The following UBN2 variants were observed in gnomAD, a reference collection of about 807,000 sequenced individuals.
The protein encoded by UBN2 is ubinuclein-2.
Under a neutral mutation model 120.2 loss-of-function variants are expected in UBN2, and 35 were observed. That is an observed-to-expected ratio of 0.29 (90% CI 0.22 to 0.39). The LOEUF (loss-of-function observed/expected upper bound fraction) is 0.39, where lower values mean the gene tolerates loss of function less well. Ranked by LOEUF, UBN2 falls within the 10% of genes least tolerant of loss-of-function variation. The probability of loss-of-function intolerance (pLI) is 1.00; values close to 1 mark genes in which losing one functional copy is unlikely to be tolerated. For missense variants in UBN2, 1,693 were observed against 1,663.2 expected, an observed-to-expected ratio of 1.02 and a Z score of -0.31; for synonymous variants, 661 against 648.7, an observed-to-expected ratio of 1.02 and a Z score of -0.29.
In UBN2 at chr7:139,304,091, A is replaced by G. The variant is rs1260239205; in HGVS notation, c.*6255A>G. ...TTTTAACTTTCTAAGAATGAGTATG[A>G]TGTCTCATTCTTGCAAATCAGAGAT... On this transcript the variant is annotated 3_prime_UTR_variant, in exon 18 of 18. Coordinates refer to ENST00000473989, the MANE Select transcript of UBN2 (RefSeq NM_173569.4). 6.6e-6 allele frequency: 1 copy of G among 152,138 alleles called. No homozygotes were observed. Among genetic ancestry groups the G allele is most frequent in the Non-Finnish European group, 1.5e-5 (1 of 68,030 alleles). The allele number at this position is 152,138 out of a possible 1,614,324, so 9.4% of individuals were successfully genotyped here. A position where few individuals can be genotyped will look rare whatever the true frequency, so the allele number is the denominator to read the frequency against.
intron 2 of UBN2, among the ~76,000 whole-genome samples, chr7:139,246,227 T>C (rs1403898719): frequency 6.6e-6 from 1 of 152,058 alleles, no homozygotes; most frequent in African/African-American, 2.4e-5. Context: ...TAGCTGGGTG[T>C]GGTAGTGCGC....
the UBN2 span, among the ~76,000 whole-genome samples, chr7:139,327,613 C>T: frequency 1.3e-5 from 2 of 152,150 alleles, no homozygotes; most frequent in African/African-American, 4.8e-5. Context: ...GCACTCTGCC[C>T]TCGTGACCTA....
chr7:139,246,391 G>A (rs1345225788), intron 2 of UBN2, among the ~76,000 whole-genome samples: 4 of 152,110 alleles, frequency 2.6e-5, no homozygotes, highest in South Asian at 4.2e-4. Context: ...GGGAAGAGAG[G>A]CTAATTAAGA....
chr7:139,239,188 A>T (rs542354576), intron 2 of UBN2, among the ~76,000 whole-genome samples: 1 of 152,232 alleles, frequency 6.6e-6, no homozygotes, highest in East Asian at 1.9e-4. Flanking sequence ...TATACATATT[A>T]TAGAATTGTA....
rs774055993 is a variant in UBN2 at position 139,283,578 on chromosome 7, C to G, written c.2673C>G (p.Ser891=). ...LQRSSQIHTS[S]SSQTHVSSSS... ...GGTCAAGCCAGATTCACACTTCTTC[C>G]TCTTCACAGACCCATGTCTCCTCTT... The change falls in exon 15 of 18, where the codon TCC becomes TCG. Residue 891 remains serine, a synonymous_variant. Coordinates refer to ENST00000473989, the MANE Select transcript of UBN2 (RefSeq NM_173569.4). 3 of 1,614,184 alleles carry G rather than the reference C, an allele frequency of 1.9e-6. No individual in the cohort carries two copies. The highest frequency in any genetic ancestry group is 3.3e-5 in the Admixed American group (2 of 60,022).
intron 12 of UBN2, 111 bp from the exon 13 acceptor site, chr7:139,279,207 C>T: frequency 1.2e-6 from 1 of 858,198 alleles, no homozygotes; most frequent in East Asian, 2.5e-5. Flanking sequence ...CTTCAAAGAG[C>T]TTTCCAAATA....
chr7:139,241,114 A>G (rs1796307824), intron 2 of UBN2, among the ~76,000 whole-genome samples: 1 of 152,118 alleles, frequency 6.6e-6, no homozygotes, highest in African/African-American at 2.4e-5. Context: ...GAGGCCACCT[A>G]TACTCTATAC....
chr7:139,272,461 G>T, intron 9 of UBN2, 21 bp downstream of exon 9: 2 of 1,584,626 alleles, frequency 1.3e-6, no homozygotes, highest in Non-Finnish European at 1.7e-6. Context: ...CTTCTATTTG[G>T]ACTGGCTTTT....
downstream of UBN2, among the ~76,000 whole-genome samples, chr7:139,311,089 G>T (rs1798441636): frequency 6.6e-6 from 1 of 152,190 alleles, no homozygotes; most frequent in Admixed American, 6.5e-5. Flanking sequence ...TACATACAAA[G>T]CTTTGAGAAA....
At chr7:139,312,744 T>C (rs899027298), downstream of UBN2, among the ~76,000 whole-genome samples, 4 of 152,260 alleles carry the variant, frequency 2.6e-5, no homozygotes, top group Non-Finnish European at 5.9e-5. Flanking sequence ...CACAAAGATA[T>C]CCTCCAGCAT....
the UBN2 span, among the ~76,000 whole-genome samples, chr7:139,325,349 C>A: frequency 6.8e-6 from 1 of 147,932 alleles, no homozygotes; most frequent in Non-Finnish European, 1.5e-5. Context: ...CTTACTGCAA[C>A]CTCCGCCTCC....
At chr7:139,325,044 ATCTT>A in the UBN2 span, among the ~76,000 whole-genome samples, 1 of 152,152 alleles carries the variant, frequency 6.6e-6, no homozygotes, top group African/African-American at 2.4e-5. Context: ...CACAATCATA[ATCTT>A]TCTTTACTGA....
In UBN2 at chr7:139,283,213, G is replaced by A. The variant is rs1797668546; in HGVS notation, c.2308G>A (p.Val770Ile). The A allele has an allele frequency of 6.2e-7, 1 of 1,612,928 alleles. No homozygotes were observed. Among genetic ancestry groups the A allele is most frequent in the Non-Finnish European group, 8.5e-7 (1 of 1,179,890 alleles). ...LSFHSPSLDL[V>I]SEALAVINNG... ...TTTCCATTCACCTTCACTGGATCTT[G>A]TTTCTGAAGCTTTAGCGGTTATCAA... Residue 770 changes from valine to isoleucine, a missense_variant, in exon 15 of 18, where the codon GTT (valine) becomes ATT (isoleucine). Physicochemically the swap from Val to Ile is conservative, Grantham distance 29. This residue lies in a region of UBN2 where 837 missense variants were observed against 817.6 expected (regional missense o/e 1.02). Transcript: ENST00000473989.
intron 3 of UBN2, among the ~76,000 whole-genome samples, chr7:139,253,555 A>G (rs1014344026): frequency 6.6e-6 from 1 of 152,206 alleles, no homozygotes; most frequent in South Asian, 2.1e-4. Flanking sequence ...TATTACCAGG[A>G]TGGTACATTG....
rs777410951 is a variant in UBN2, at chr7:139,283,899, C to G, written c.2994C>G (p.Pro998=). 1.9e-6 allele frequency: 3 copies of G among 1,614,034 alleles called. No homozygotes were observed. Among genetic ancestry groups the G allele is most frequent in the Admixed American group, 3.3e-5 (2 of 60,002 alleles). The part of the protein sequence containing the change: ...SPGNGSQGSH[P]LVSRTVPSTT... ...GAAATGGTTCTCAAGGGTCCCACCCCCTGGTTTCTAGGACAGTACCTAGCA... is the reference window on the plus strand; with the variant it reads ...GAAATGGTTCTCAAGGGTCCCACCCGCTGGTTTCTAGGACAGTACCTAGCA... Residue 998 remains proline (P), a synonymous_variant, in exon 15 of 18, where the codon CCC becomes CCG. Transcript: ENST00000473989.
the UBN2 span, among the ~76,000 whole-genome samples, chr7:139,327,467 C>T: frequency 7.9e-5 from 12 of 152,262 alleles, no homozygotes; most frequent in Middle Eastern, 3.4e-3. Context: ...AGTCCAATAT[C>T]AAGGTGCTGG....
intron 4 of UBN2, among the ~76,000 whole-genome samples, chr7:139,259,052 G>C (rs897628555): frequency 6.6e-6 from 1 of 152,150 alleles, no homozygotes; most frequent in Non-Finnish European, 1.5e-5. Flanking sequence ...TCACCAGAAT[G>C]CTTGTTTAAA....
intron 1 of UBN2, among the ~76,000 whole-genome samples, chr7:139,232,564 G>A (rs1796057161): frequency 6.6e-6 from 1 of 152,170 alleles, no homozygotes; most frequent in Non-Finnish European, 1.5e-5. Flanking sequence ...AAGTGGGTTA[G>A]TTAATCTGGT....
chr7:139,241,914 C>T (rs1796329157), intron 2 of UBN2, among the ~76,000 whole-genome samples: 1 of 152,090 alleles, frequency 6.6e-6, no homozygotes, highest in Admixed American at 6.6e-5. Flanking sequence ...AGGAGAATCC[C>T]TTGAACCCAG....
Sources: gnomAD v4.1 joint callset for allele counts (sites outside exome capture counted in the v4.1 genomes callset) on GRCh38, gnomAD v4.1.1 for gene constraint, gnomAD v4.1.1 regional missense constraint, MANE v1.5 for transcripts, NCBI Gene and HGNC (gene_info 2026-07-23, HGNC 2026-07-21) for gene names.